Variants in KALRN observed in about 807,000 individuals in gnomAD.
KALRN encodes kalirin.
A neutral mutation model predicts 353.7 loss-of-function variants in KALRN; 70 were observed. That is an observed-to-expected ratio of 0.20 (90% CI 0.16 to 0.24). The LOEUF is 0.24. Among genes scored for constraint, KALRN ranks in the 10% least tolerant of loss-of-function variants. The pLI, the probability that KALRN is intolerant of heterozygous loss-of-function variation, is 1.00. For missense variants in KALRN, 2,791 were observed against 3,756.7 expected, an observed-to-expected ratio of 0.74 and a Z score of 6.72; for synonymous variants, 1,391 against 1,434.8, an observed-to-expected ratio of 0.97 and a Z score of 0.69.
At chr3:124,591,254 T>C (rs1403408858) in intron 34 of KALRN, among the ~76,000 whole-genome samples, 1 of 152,238 alleles carries the variant, frequency 6.6e-6, no homozygotes, top group Non-Finnish European at 1.5e-5. Flanking sequence ...TTTTTCTCTC[T>C]GGTTCAACTT....
At chr3:124,506,363 G>A (rs2065228662) in intron 33 of KALRN, among the ~76,000 whole-genome samples, 1 of 152,150 alleles carries the variant, frequency 6.6e-6, no homozygotes, top group Admixed American at 6.5e-5. Context: ...GTTGTGTTGA[G>A]CACGCATGTT....
At chr3:124,159,518 A>G (rs1373865782) in intron 1 of KALRN, among the ~76,000 whole-genome samples, 3 of 150,168 alleles carry the variant, frequency 2.0e-5, no homozygotes, top group African/African-American at 7.3e-5. Context: ...GTGATCCACT[A>G]GCCTTGGCCT....
chr3:124,235,989 A>G (rs1218914873), intron 3 of KALRN, among the ~76,000 whole-genome samples: 1 of 152,220 alleles, frequency 6.6e-6, no homozygotes, highest in African/African-American at 2.4e-5. Flanking sequence ...GAGCTAAAGA[A>G]GAGATGAATG....
chr3:124,218,503 A>G (rs965482809), intron 1 of KALRN, among the ~76,000 whole-genome samples: 2 of 152,216 alleles, frequency 1.3e-5, no homozygotes, highest in African/African-American at 4.8e-5. Flanking sequence ...TACTTTGAGG[A>G]CCCATCCAAC....
At chr3:124,224,649 G>C (rs867618849) in intron 1 of KALRN, among the ~76,000 whole-genome samples, 1 of 152,184 alleles carries the variant, frequency 6.6e-6, no homozygotes, top group Non-Finnish European at 1.5e-5. Flanking sequence ...TGCAAAATGG[G>C]GTGATCTGCC....
At chr3:124,178,128 T>C (rs928708699) in intron 1 of KALRN, among the ~76,000 whole-genome samples, 3 of 152,182 alleles carry the variant, frequency 2.0e-5, no homozygotes, top group African/African-American at 7.2e-5. Context: ...ACCTCTTTAC[T>C]AAAAGGGTCA....
At chr3:124,368,685 C>G (rs921136707) in intron 10 of KALRN, among the ~76,000 whole-genome samples, 6 of 147,142 alleles carry the variant, frequency 4.1e-5, no homozygotes, top group African/African-American at 1.5e-4. Context: ...GCTGCAATCT[C>G]GGCACTTTGG....
chr3:124,717,622 G>A (rs1175258887), intron 59 of KALRN, among the ~76,000 whole-genome samples: 1 of 151,846 alleles, frequency 6.6e-6, no homozygotes, highest in East Asian at 2.0e-4. Flanking sequence ...CATGAACCTG[G>A]GAGGCGGAGC....
At chr3:124,322,749 C>T (rs1210560893) in intron 6 of KALRN, among the ~76,000 whole-genome samples, 1 of 152,186 alleles carries the variant, frequency 6.6e-6, no homozygotes, top group Non-Finnish European at 1.5e-5. Context: ...CTCATTCTTT[C>T]CTTTTAAGTC....
chr3:124,249,622 C>T (rs2070834144), intron 3 of KALRN, among the ~76,000 whole-genome samples: 1 of 152,110 alleles, frequency 6.6e-6, no homozygotes, highest in South Asian at 2.1e-4. Context: ...AGCAGGGTGC[C>T]TAGAGCAGCA....
At chr3:124,365,898 C>A (rs1301888271) in intron 10 of KALRN, among the ~76,000 whole-genome samples, 6 of 152,198 alleles carry the variant, frequency 3.9e-5, no homozygotes, top group African/African-American at 1.4e-4. Context: ...GTGATCAGAG[C>A]ACCTGCTTCA....
intron 27 of KALRN, among the ~76,000 whole-genome samples, chr3:124,480,049 A>G (rs2061832185): frequency 6.6e-6 from 1 of 152,192 alleles, no homozygotes. Context: ...CCCATCACAC[A>G]GCATGGGTGT....
At chr3:124,286,136 T>TTTCTTTCTTTCTTTCC (rs2075867416) in intron 5 of KALRN, among the ~76,000 whole-genome samples, 1 of 131,272 alleles carries the variant, frequency 7.6e-6, no homozygotes. Context: ...TCTTTCTTTC[T>TTTCTTTCTTTCTTTCC]TTCCTTTCTT....
intron 34 of KALRN, among the ~76,000 whole-genome samples, chr3:124,601,661 G>T (rs1277885449): frequency 6.6e-6 from 1 of 152,224 alleles, no homozygotes; most frequent in Non-Finnish European, 1.5e-5. Flanking sequence ...CAAAGTTGAT[G>T]ATCTTGGATG....
At chr3:124,146,087 A>G (rs1262303780) in intron 1 of KALRN, among the ~76,000 whole-genome samples, 1 of 152,238 alleles carries the variant, frequency 6.6e-6, no homozygotes, top group Non-Finnish European at 1.5e-5. Flanking sequence ...CTCAGAGAGC[A>G]TACAATCCTC....
chr3:124,336,516 A>G (rs936245914), intron 9 of KALRN, among the ~76,000 whole-genome samples: 1 of 152,104 alleles, frequency 6.6e-6, no homozygotes, highest in African/African-American at 2.4e-5. Flanking sequence ...TGCTGATTTT[A>G]TAGCTGTTGT....
chr3:124,202,720 C>G (rs904991247), intron 1 of KALRN, among the ~76,000 whole-genome samples: 3 of 152,272 alleles, frequency 2.0e-5, no homozygotes, highest in South Asian at 2.1e-4. Flanking sequence ...TTATTTCTTA[C>G]AACAGATACA....
At chr3:124,207,046 C>T (rs2078282668) in intron 1 of KALRN, among the ~76,000 whole-genome samples, 1 of 152,216 alleles carries the variant, frequency 6.6e-6, no homozygotes, top group East Asian at 1.9e-4. Context: ...CAGTGAAATA[C>T]ATGGGATCCA....
At chr3:124,422,759 T>C in intron 14 of KALRN, 53 bp from the exon 15 acceptor site, 1 of 1,466,776 alleles carries the variant, frequency 6.8e-7, no homozygotes, top group Admixed American at 1.8e-5. Flanking sequence ...GAAGGGAATG[T>C]AGCCTTCACA....
Sources: gnomAD v4.1 joint callset for allele counts (sites outside exome capture counted in the v4.1 genomes callset) on GRCh38, gnomAD v4.1.1 for gene constraint, MANE v1.5 for transcripts, NCBI Gene and HGNC (gene_info 2026-07-23, HGNC 2026-07-21) for gene names.